The following M1AP variants were observed in gnomAD, a reference collection of about 807,000 sequenced individuals.
M1AP encodes the protein meiosis 1 arrest protein.
In M1AP, 39 loss-of-function variants were observed where a neutral mutation model predicts 51.2. The observed-to-expected ratio is 0.76, with a 90% CI of 0.59 to 1.00. The LOEUF is 1.00. Among genes scored for constraint, M1AP ranks in the 50% least tolerant of loss-of-function variants. The pLI, the probability that M1AP is intolerant of heterozygous loss-of-function variation, is 0.00. For synonymous variants in M1AP, 251 were observed against 249.2 expected (o/e 1.01, Z -0.07); for missense variants, 545 against 641.2 (o/e 0.85, Z 1.62).
At chr2:74,563,809 TAAG>T (rs1213133629) in intron 7 of M1AP, among the ~76,000 whole-genome samples, 3 of 152,118 alleles carry the variant, frequency 2.0e-5, no homozygotes, top group South Asian at 2.1e-4. Context: ...AGGGCATGGG[TAAG>T]AAGAAGAGAC....
At chr2:74,618,661 T>C (rs1681817652) in intron 2 of M1AP, among the ~76,000 whole-genome samples, 1 of 152,220 alleles carries the variant, frequency 6.6e-6, no homozygotes, top group Non-Finnish European at 1.5e-5. Flanking sequence ...ATTGATGTCA[T>C]GTTGCAAAAT....
intron 2 of M1AP, among the ~76,000 whole-genome samples, chr2:74,635,408 T>C (rs1402639840): frequency 6.6e-6 from 1 of 152,140 alleles, no homozygotes; most frequent in African/African-American, 2.4e-5. Context: ...GGTTTGTTAA[T>C]TTTATTGATC....
intron 7 of M1AP, among the ~76,000 whole-genome samples, chr2:74,566,287 G>A (rs1678377058): frequency 6.6e-6 from 1 of 152,130 alleles, no homozygotes; most frequent in African/African-American, 2.4e-5. Flanking sequence ...TGGTGCAAAA[G>A]GTCTAGATAG....
At chr2:74,572,114 A>ATGAGTAAGCC (rs1272331405) in intron 7 of M1AP, among the ~76,000 whole-genome samples, 1 of 152,212 alleles carries the variant, frequency 6.6e-6, no homozygotes, top group Non-Finnish European at 1.5e-5. Context: ...GCAGTACAAG[A>ATGAGTAAGCC]TGAGTAAGCC....
intron 8 of M1AP, among the ~76,000 whole-genome samples, chr2:74,561,206 AGG>A (rs1677962851): frequency 7.2e-6 from 1 of 138,622 alleles, no homozygotes; most frequent in African/African-American, 2.9e-5. Context: ...GAGAAGGAGG[AGG>A]AGGAGGAGAA....
chr2:74,612,978 T>A (rs1681456244), intron 3 of M1AP, among the ~76,000 whole-genome samples: 1 of 126,532 alleles, frequency 7.9e-6, no homozygotes, highest in Admixed American at 7.1e-5. Context: ...TTTTTTCCAG[T>A]TTTTTTTTCT....
intron 1 of M1AP, 134 bp from the exon 2 acceptor site, chr2:74,640,461 C>T (rs1683229226): frequency 1.4e-6 from 1 of 696,252 alleles, no homozygotes; most frequent in African/African-American, 1.8e-5. Flanking sequence ...CCAGGCCATC[C>T]TATTTTTTTT....
intron 4 of M1AP, 112 bp from the exon 5 acceptor site, chr2:74,581,959 C>G (rs990521313): frequency 3.2e-6 from 3 of 951,146 alleles, no homozygotes; most frequent in Non-Finnish European, 4.7e-6. Context: ...ATTATGTCAC[C>G]CAGGCTAAAG....
At chr2:74,615,458 T>C (rs1681611562) in intron 2 of M1AP, 2 of 305,944 alleles carry the variant, frequency 6.5e-6, no homozygotes. Context: ...TAGTTTTACT[T>C]TGGGGTGACC....
At chr2:74,596,442 C>A (rs747867865) in intron 4 of M1AP, among the ~76,000 whole-genome samples, 1 of 152,012 alleles carries the variant, frequency 6.6e-6, no homozygotes, top group Non-Finnish European at 1.5e-5. Flanking sequence ...ATTTGCCGGG[C>A]GTGGTGGCGG....
At chr2:74,585,839 A>G (rs1573098815) in intron 4 of M1AP, among the ~76,000 whole-genome samples, 1 of 152,194 alleles carries the variant, frequency 6.6e-6, no homozygotes, top group East Asian at 1.9e-4. Context: ...TTATGGCAGT[A>G]GCTTCTTAAC....
chr2:74,567,403 C>T (rs1364797807), intron 7 of M1AP, among the ~76,000 whole-genome samples: 1 of 152,242 alleles, frequency 6.6e-6, no homozygotes, highest in African/African-American at 2.4e-5. Context: ...TTTCAGAGCA[C>T]TCCTGCAATC....
chr2:74,561,127 A>AAGGAGGAGGAGAAGGAGGAGGAGGAGG (rs1677929084), intron 8 of M1AP, among the ~76,000 whole-genome samples: 1 of 22,370 alleles, frequency 4.5e-5, no homozygotes, highest in Admixed American at 4.6e-4. Context: ...GGAGGAGGAG[A>AAGGAGGAGGAGAAGGAGGAGGAGGAGG]AGGAGGAGGA....
chr2:74,622,543 CTTTTTTT>C (rs534273779), intron 2 of M1AP, among the ~76,000 whole-genome samples: 15 of 117,314 alleles, frequency 1.3e-4, no homozygotes, highest in African/African-American at 3.6e-4. Flanking sequence ...CCATTGCCTG[CTTTTTTT>C]TTTTTTTTTT....
chr2:74,602,583 C>T (rs1201838735), intron 4 of M1AP, among the ~76,000 whole-genome samples: 1 of 152,106 alleles, frequency 6.6e-6, no homozygotes, highest in Admixed American at 6.6e-5. Flanking sequence ...ACTTGGGCAA[C>T]CTAATTTTGG....
intron 3 of M1AP, among the ~76,000 whole-genome samples, chr2:74,614,427 G>A (rs1388111427): frequency 1.3e-5 from 2 of 152,138 alleles, no homozygotes; most frequent in African/African-American, 2.4e-5. Flanking sequence ...ACAAGAGACC[G>A]AAACTGTCTT....
At chr2:74,606,779 C>A (rs1055111746) in intron 4 of M1AP, among the ~76,000 whole-genome samples, 4 of 152,080 alleles carry the variant, frequency 2.6e-5, no homozygotes, top group Non-Finnish European at 4.4e-5. Flanking sequence ...CTAGAAACAT[C>A]TGTCTGAACC....
In M1AP at chr2:74,560,284, A is replaced by G. The variant is rs762163965; in HGVS notation, c.1289T>C (p.Leu430Pro). 13 of 1,600,046 alleles carry G rather than the reference A, an allele frequency of 8.1e-6. No individual in the cohort carries two copies. Among genetic ancestry groups the G allele is most frequent in the Admixed American group, 1.8e-5 (1 of 56,832 alleles). Residue 430 changes from leucine (L) to proline (P), a missense_variant, in exon 9 of 11, where the codon CTG becomes CCG. Physicochemically the swap from Leu to Pro is moderately conservative, Grantham distance 98. Coordinates refer to ENST00000421985, the MANE Select transcript of M1AP (RefSeq NM_001321739.2). ...DDSLKNVESMLDSLELEPTYN... is the reference protein window; with the variant it reads ...DDSLKNVESMPDSLELEPTYN... Reference sequence around the variant, plus strand: ...GGTGGGCTCCAGCTCCAGGCTGTCCAGCATGCTCTGAGGAAAAGAGAGGAG... The same window carrying G: ...GGTGGGCTCCAGCTCCAGGCTGTCCGGCATGCTCTGAGGAAAAGAGAGGAG...
intron 7 of M1AP, among the ~76,000 whole-genome samples, chr2:74,569,428 T>C (rs1558649582): frequency 6.8e-6 from 1 of 147,648 alleles, no homozygotes; most frequent in Non-Finnish European, 1.5e-5. Flanking sequence ...TCACCCAGGC[T>C]GGAGTGCAGT....
Sources: gnomAD v4.1 joint callset for allele counts (sites outside exome capture counted in the v4.1 genomes callset) on GRCh38, gnomAD v4.1.1 for gene constraint, MANE v1.5 for transcripts, NCBI Gene and HGNC (gene_info 2026-07-23, HGNC 2026-07-21) for gene names.